Variants in RBMS3 observed in about 807,000 individuals in gnomAD.
The protein encoded by RBMS3 is RNA-binding motif, single-stranded-interacting protein 3.
A neutral mutation model predicts 66.8 loss-of-function variants in RBMS3; 27 were observed. The ratio of observed to expected loss-of-function variants is 0.40; its 90% confidence interval spans 0.30 to 0.56. RBMS3 has a LOEUF of 0.56. Among genes scored for constraint, RBMS3 ranks in the 20% least tolerant of loss-of-function variants. The probability of loss-of-function intolerance (pLI) is 0.40; values close to 1 mark genes in which losing one functional copy is unlikely to be tolerated. For missense variants in RBMS3, 513 were observed against 549.5 expected (o/e 0.93, Z 0.66); for synonymous variants, 188 against 183.0 (o/e 1.03, Z -0.22).
intron 4 of RBMS3, among the ~76,000 whole-genome samples, chr3:29,682,990 A>G (rs910915532): frequency 6.6e-6 from 1 of 152,214 alleles, no homozygotes; most frequent in Non-Finnish European, 1.5e-5. Context: ...GTGGGATAAT[A>G]ATGTCCAGTT....
chr3:29,479,305 ATATT>A (rs1294596464), intron 2 of RBMS3, among the ~76,000 whole-genome samples: 5 of 150,078 alleles, frequency 3.3e-5, no homozygotes, highest in Admixed American at 6.7e-5. Flanking sequence ...ATGTGTATAT[ATATT>A]ATATATATAA....
chr3:29,306,768 T>C (rs1193024362), intron 1 of RBMS3, among the ~76,000 whole-genome samples: 1 of 151,898 alleles, frequency 6.6e-6, no homozygotes, highest in Non-Finnish European at 1.5e-5. Flanking sequence ...TCTATCTGCT[T>C]GACTTTGCTT....
intron 8 of RBMS3, among the ~76,000 whole-genome samples, chr3:29,892,136 C>T (rs2060015386): frequency 6.6e-6 from 1 of 151,526 alleles, no homozygotes; most frequent in South Asian, 2.1e-4. Flanking sequence ...CCTAGATTTG[C>T]ATTTTCTGGA....
intron 6 of RBMS3, among the ~76,000 whole-genome samples, chr3:29,826,856 G>C (rs1303720766): frequency 7.2e-5 from 11 of 152,062 alleles, no homozygotes; most frequent in Admixed American, 6.6e-5. Flanking sequence ...AATAGAAATA[G>C]TCACAAGAAT....
chr3:29,292,465 T>G (rs931415525), intron 1 of RBMS3, among the ~76,000 whole-genome samples: 1 of 151,932 alleles, frequency 6.6e-6, no homozygotes, highest in African/African-American at 2.4e-5. Context: ...TTGTGGTACC[T>G]TCTCATGATC....
intron 1 of RBMS3, among the ~76,000 whole-genome samples, chr3:29,329,251 T>C (rs970488430): frequency 6.6e-6 from 1 of 152,158 alleles, no homozygotes; most frequent in Admixed American, 6.6e-5. Flanking sequence ...CATAACTGCA[T>C]CCATACTTTT....
rs941883821 is a variant in RBMS3, at chr3:29,291,480, G to C, written c.75+9724G>C. Among the ~76,000 whole-genome samples the C allele has an allele frequency of 3.3e-5, 5 of 151,980 alleles. No individual in the cohort carries two copies. In the East Asian group the frequency reaches 9.7e-4, roughly 30 times the overall value. ...CTGGGAGTTCCAGATCTGGGTGCCAGGTTCACAGAATTTTTTATTGCGTAA... is the reference window on the plus strand; with the variant it reads ...CTGGGAGTTCCAGATCTGGGTGCCACGTTCACAGAATTTTTTATTGCGTAA... On this transcript the variant is annotated intron_variant, in intron 1 of 14. Transcript: ENST00000383767.
Position 29,363,165 on chromosome 3 carries a change from C to A in RBMS3, c.76-71578C>A, listed in dbSNP as rs373558551. Reference sequence around the variant, plus strand: ...TGCTTTGGCCTAAATCTGAGGGTTGCCTTATTACAATCCTTCAGGAGACTT... The same window carrying A: ...TGCTTTGGCCTAAATCTGAGGGTTGACTTATTACAATCCTTCAGGAGACTT... On this transcript the variant is annotated intron_variant, in intron 1 of 14. Coordinates refer to ENST00000383767, the MANE Select transcript of RBMS3 (RefSeq NM_001003793.3). 3.9e-5 allele frequency among the ~76,000 whole-genome samples: 6 copies of A among 152,106 alleles called. No homozygotes were observed. The East Asian group carries it at 9.6e-4, about 24-fold the overall frequency.
At position 29,714,043 on chromosome 3, in the gene RBMS3, C is replaced by T. The variant is rs142509157; in HGVS notation, c.400-25677C>T. ...GTACTCCAGCCTGGGCAACAGAGGG[C>T]GACTCTGTCTCAAAAAAACAAAAGA... On this transcript the variant is annotated intron_variant, in intron 4 of 14. Coordinates refer to ENST00000383767, the MANE Select transcript of RBMS3 (RefSeq NM_001003793.3). Among the ~76,000 whole-genome samples the T allele has an allele frequency of 3.5e-3, 534 of 151,906 alleles. 4 individuals carry two copies. Among genetic ancestry groups the T allele is most frequent in the African/African-American group, 0.012 (509 of 41,432 alleles).
At chr3:29,319,551 CTG>C (rs1246838055) in intron 1 of RBMS3, among the ~76,000 whole-genome samples, 2 of 151,972 alleles carry the variant, frequency 1.3e-5, no homozygotes, top group African/African-American at 4.8e-5. Flanking sequence ...GGGCCAGGCA[CTG>C]TGCTGGATCA....
At chr3:29,848,932 T>C (rs2058857824) in intron 6 of RBMS3, among the ~76,000 whole-genome samples, 1 of 152,210 alleles carries the variant, frequency 6.6e-6, no homozygotes, top group Non-Finnish European at 1.5e-5. Context: ...TTGTGAATGC[T>C]AGAATTTGCT....
intron 4 of RBMS3, among the ~76,000 whole-genome samples, chr3:29,699,170 A>C (rs1347126281): frequency 6.6e-6 from 1 of 152,080 alleles, no homozygotes; most frequent in Non-Finnish European, 1.5e-5. Flanking sequence ...CATTTTTTTG[A>C]GATGAAGTAC....
intron 4 of RBMS3, among the ~76,000 whole-genome samples, chr3:29,693,947 T>C (rs1403271395): frequency 3.3e-5 from 5 of 152,226 alleles, no homozygotes; most frequent in African/African-American, 1.2e-4. Context: ...CTGTAGACAG[T>C]GTCAACATGA....
Position 29,688,434 on chromosome 3 carries a change from ACT to A in RBMS3, c.400-51282_400-51281del, listed in dbSNP as rs2051829473. Among the ~76,000 whole-genome samples, 4 of 151,880 alleles carry A rather than the reference ACT, an allele frequency of 2.6e-5. No homozygotes were observed. The East Asian group carries it at 7.8e-4, about 29-fold the overall frequency. On this transcript the variant is annotated intron_variant, in intron 4 of 14. Transcript: ENST00000383767. Reference sequence around the variant, plus strand: ...TATAATCCTTCTAAAGACTTCATACACTCTCATCATCCACATCTTTCTGGAAG... The same window carrying A: ...TATAATCCTTCTAAAGACTTCATACACTCATCATCCACATCTTTCTGGAAG...
At chr3:29,733,744 T>G (rs1348828275) in intron 4 of RBMS3, among the ~76,000 whole-genome samples, 2 of 152,158 alleles carry the variant, frequency 1.3e-5, no homozygotes, top group Non-Finnish European at 2.9e-5. Flanking sequence ...TCCTTTTAGT[T>G]GGATACAGTC....
intron 1 of RBMS3, among the ~76,000 whole-genome samples, chr3:29,356,406 A>T (rs1291648034): frequency 6.6e-6 from 1 of 152,160 alleles, no homozygotes. Flanking sequence ...ATAATAATGA[A>T]TATTTTCTTA....
chr3:29,556,493 C>A (rs1576217054), intron 3 of RBMS3: 1 of 152,460 alleles, frequency 6.6e-6, no homozygotes. Context: ...GTCCCAGCTA[C>A]ATGGGAGGCT....
At chr3:29,591,234 A>C (rs550235746) in intron 4 of RBMS3, among the ~76,000 whole-genome samples, 1 of 152,268 alleles carries the variant, frequency 6.6e-6, no homozygotes, top group Admixed American at 6.5e-5. Context: ...ATTCTTTCCC[A>C]AAAAGAACCC....
chr3:29,908,292 T>C lies in RBMS3; in HGVS notation c.939+8537T>C, dbSNP rs181121552. Reference sequence around the variant, plus strand: ...AAACAGAATTTGTTAATACCATGTATGATCATGATCATGAAGAACTCTGAC... The same window carrying C: ...AAACAGAATTTGTTAATACCATGTACGATCATGATCATGAAGAACTCTGAC... On this transcript the variant is annotated intron_variant, in intron 10 of 14. Transcript: ENST00000383767. 8.5e-5 allele frequency among the ~76,000 whole-genome samples: 13 copies of C among 152,154 alleles called. No individual in the cohort carries two copies. In the East Asian group the frequency reaches 1.2e-3, roughly 14 times the overall value.
Sources: allele counts gnomAD v4.1 joint callset (sites outside exome capture counted in the v4.1 genomes callset), GRCh38; gene constraint gnomAD v4.1.1; transcripts MANE v1.5; gene names NCBI Gene and HGNC (gene_info 2026-07-23, HGNC 2026-07-21).